The following ABCB5 variants were observed in gnomAD, a reference collection of about 807,000 sequenced individuals.
ABCB5 encodes ATP binding cassette subfamily B member 5.
ABCB5 carries 155 observed loss-of-function variants against 144.2 expected under a neutral mutation model. The ratio of observed to expected loss-of-function variants is 1.08; its 90% confidence interval spans 0.94 to 1.23. The LOEUF (loss-of-function observed/expected upper bound fraction) is 1.23. Among genes scored for constraint, ABCB5 ranks in the 50% most tolerant of loss-of-function variants. ABCB5 has a pLI of 0.00. For missense variants in ABCB5, 1,830 were observed against 1,520.8 expected, an observed-to-expected ratio of 1.20 and a Z score of -3.38; for synonymous variants, 610 against 528.6, an observed-to-expected ratio of 1.15 and a Z score of -2.11.
At chr7:20,660,368 G>A (rs955465893) in intron 14 of ABCB5, 1 of 985,386 alleles carries the variant, frequency 1.0e-6, no homozygotes, top group Non-Finnish European at 1.2e-6. Context: ...GTTTAAAGGA[G>A]AAAGAGATTA....
chr7:20,711,906 TTC>T (rs1787086363), intron 20 of ABCB5, among the ~76,000 whole-genome samples: 1 of 124,924 alleles, frequency 8.0e-6, no homozygotes, highest in African/African-American at 3.1e-5. Flanking sequence ...CCTTCCTTCC[TTC>T]CTTTCTTTCT....
intron 16 of ABCB5, among the ~76,000 whole-genome samples, chr7:20,688,193 A>C (rs1268650438): frequency 6.6e-6 from 1 of 152,194 alleles, no homozygotes; most frequent in Non-Finnish European, 1.5e-5. Context: ...ACCCGGTCTC[A>C]AAAAACAAAC....
At chr7:20,644,059 A>T (rs2128023168) in intron 7 of ABCB5, among the ~76,000 whole-genome samples, 1 of 151,646 alleles carries the variant, frequency 6.6e-6, no homozygotes, top group Admixed American at 6.6e-5. Flanking sequence ...TTTTTATATC[A>T]TCCTCTTAAA....
chr7:20,750,936 G>A (rs1298278920), intron 26 of ABCB5, among the ~76,000 whole-genome samples: 1 of 152,168 alleles, frequency 6.6e-6, no homozygotes, highest in Non-Finnish European at 1.5e-5. Flanking sequence ...CACACCAGGT[G>A]TGGTTCTCTA....
intron 23 of ABCB5, among the ~76,000 whole-genome samples, chr7:20,731,186 C>T (rs1782200674): frequency 2.0e-5 from 3 of 151,610 alleles, no homozygotes; most frequent in Admixed American, 2.0e-4. Context: ...AACCCCGTCT[C>T]TACTAAAAAA....
chr7:20,717,474 G>A (rs1021687818), intron 20 of ABCB5, among the ~76,000 whole-genome samples: 1 of 110,890 alleles, frequency 9.0e-6, no homozygotes, highest in African/African-American at 3.5e-5. Flanking sequence ...ACAGACTTTT[G>A]CTCTGTCTCC....
At chr7:20,728,989 G>C (rs1782127710) in intron 23 of ABCB5, among the ~76,000 whole-genome samples, 2 of 152,010 alleles carry the variant, frequency 1.3e-5, no homozygotes, top group Non-Finnish European at 1.5e-5. Context: ...ATGATATTTT[G>C]ATATATTCAT....
chr7:20,745,324 C>T lies in ABCB5; in HGVS notation c.3315C>T (p.Cys1105=). The T allele has an allele frequency of 6.2e-7, 1 of 1,614,118 alleles. No homozygotes were observed. Among genetic ancestry groups the T allele is most frequent in the Non-Finnish European group, 8.5e-7 (1 of 1,179,980 alleles). Residue 1105 remains cysteine, a synonymous_variant, in exon 26 of 28, where the codon TGC becomes TGT. Coordinates refer to ENST00000404938, the MANE Select transcript of ABCB5 (RefSeq NM_001163941.2). Reference sequence around the variant, plus strand: ...CTCAAGAGCCTGTGCTCTTCAACTGCAGCATTGCTGAGAACATCGCCTATG... The same window carrying T: ...CTCAAGAGCCTGTGCTCTTCAACTGTAGCATTGCTGAGAACATCGCCTATG... The part of the protein sequence containing the change: ...IVPQEPVLFN[C]SIAENIAYGD...
At chr7:20,742,696 T>C (rs12669400) in intron 24 of ABCB5, among the ~76,000 whole-genome samples, 181 bp from the exon 25 acceptor site, 122,897 of 152,182 alleles carry the variant, frequency 0.81, 49,842 homozygotes, top group East Asian at 0.86. Flanking sequence ...CACAAAAAAA[T>C]ATAAACAAAA....
In ABCB5 at chr7:20,713,809, T is replaced by C. The variant is rs565042155; in HGVS notation, c.2421+9002T>C. Among the ~76,000 whole-genome samples, 100 of 149,678 alleles carry C rather than the reference T, an allele frequency of 6.7e-4. 7 individuals carry two copies. The highest frequency in any genetic ancestry group is 2.4e-3 in the African/African-American group (96 of 40,574). The stretch of plus-strand genomic sequence containing the variant: ...TGTTACCAGGCACTAATCCCAGTCC[T>C]GACATGTATGCACTACTCAGCTGAA... On this transcript the variant is annotated intron_variant, in intron 20 of 27. Coordinates refer to ENST00000404938, the MANE Select transcript of ABCB5 (RefSeq NM_001163941.2).
chr7:20,665,211 T>C lies in ABCB5; in HGVS notation c.1707+6535T>C, dbSNP rs555116758. 4.6e-5 allele frequency among the ~76,000 whole-genome samples: 7 copies of C among 152,276 alleles called. No individual in the cohort carries two copies. The South Asian group carries it at 1.2e-3, about 27-fold the overall frequency. On this transcript the variant is annotated intron_variant, in intron 14 of 27. Transcript: ENST00000404938. The stretch of plus-strand genomic sequence containing the variant: ...CCAAGCATTCATGCATTCACATGAG[T>C]AGATTTCTGCAAGCTGGAAAGAAGG...
chr7:20,720,639 A>G (rs952991883), intron 20 of ABCB5, among the ~76,000 whole-genome samples: 1 of 152,202 alleles, frequency 6.6e-6, no homozygotes. Context: ...AGTCAAGGTC[A>G]TGAACATCAA....
At chr7:20,628,060 C>T (rs1206659851) in intron 3 of ABCB5, among the ~76,000 whole-genome samples, 1 of 152,096 alleles carries the variant, frequency 6.6e-6, no homozygotes, top group African/African-American at 2.4e-5. Flanking sequence ...TCACAACGTG[C>T]AGGTTTGTTA....
intron 14 of ABCB5, among the ~76,000 whole-genome samples, chr7:20,681,076 CTTT>C (rs1562559221): frequency 6.5e-5 from 1 of 15,492 alleles, no homozygotes; most frequent in Non-Finnish European, 1.1e-4. Context: ...TTCTTTCTTT[CTTT>C]CTTTCTTTCT....
At chr7:20,733,553 T>C (rs1035803322) in intron 23 of ABCB5, among the ~76,000 whole-genome samples, 6 of 152,192 alleles carry the variant, frequency 3.9e-5, no homozygotes, top group Admixed American at 6.5e-5. Context: ...CACCTTGGTA[T>C]TTCCCAGTGC....
At chr7:20,730,753 T>G (rs977224328) in intron 23 of ABCB5, among the ~76,000 whole-genome samples, 3 of 152,204 alleles carry the variant, frequency 2.0e-5, no homozygotes, top group Non-Finnish European at 2.9e-5. Context: ...TGTTCTAATA[T>G]AATCCAGGCA....
At chr7:20,726,995 C>T in intron 21 of ABCB5, 45 bp from the exon 22 acceptor site, 1 of 1,381,192 alleles carries the variant, frequency 7.2e-7, no homozygotes, top group African/African-American at 1.5e-5. Flanking sequence ...AAAAGATTAA[C>T]CATTACTAAT....
intron 3 of ABCB5, among the ~76,000 whole-genome samples, chr7:20,627,583 G>A (rs927471464): frequency 6.6e-6 from 1 of 151,714 alleles, no homozygotes; most frequent in Non-Finnish European, 1.5e-5. Flanking sequence ...AGATGCTATG[G>A]GGACCTACTA....
intron 7 of ABCB5, among the ~76,000 whole-genome samples, chr7:20,644,370 C>A (rs73278604): frequency 6.6e-6 from 1 of 152,240 alleles, no homozygotes; most frequent in African/African-American, 2.4e-5. Context: ...AGTGAGCCAC[C>A]GCACCCAGCC....
Sources: gnomAD v4.1 joint callset for allele counts (sites outside exome capture counted in the v4.1 genomes callset) on GRCh38, gnomAD v4.1.1 for gene constraint, MANE v1.5 for transcripts, NCBI Gene and HGNC (gene_info 2026-07-23, HGNC 2026-07-21) for gene names.